KIAA0753: variants seen among roughly 807,000 people sequenced by gnomAD.
The protein encoded by KIAA0753 is KIAA0753.
KIAA0753 carries 114 observed loss-of-function variants against 116.9 expected under a neutral mutation model. That is an observed-to-expected ratio of 0.98 (90% CI 0.84 to 1.14). The LOEUF (loss-of-function observed/expected upper bound fraction) is 1.14, where lower values mean the gene tolerates loss of function less well. KIAA0753 is among the 50% of genes most tolerant of loss of function. The pLI, the probability that KIAA0753 is intolerant of heterozygous loss-of-function variation, is 0.00. For missense variants in KIAA0753, 1,156 were observed against 1,172.4 expected, an observed-to-expected ratio of 0.99 and a Z score of 0.20; for synonymous variants, 405 against 413.1, an observed-to-expected ratio of 0.98 and a Z score of 0.24.
intron 18 of KIAA0753, among the ~76,000 whole-genome samples, chr17:6,581,656 G>A (rs1447845752): frequency 2.0e-5 from 3 of 152,158 alleles, no homozygotes; most frequent in African/African-American, 4.8e-5. Context: ...TGTAATGAAA[G>A]CTTTCCCTTG....
chr17:6,591,590 G>T (rs575850963), intron 16 of KIAA0753, among the ~76,000 whole-genome samples: 2 of 152,310 alleles, frequency 1.3e-5, no homozygotes, highest in African/African-American at 4.8e-5. Context: ...TCAGTTCTCA[G>T]TGTCCTAGAG....
In KIAA0753 at chr17:6,610,516, C is replaced by CTTTT. The variant is rs71157206; in HGVS notation, c.1546-360_1546-357dup. Among the ~76,000 whole-genome samples the CTTTT allele has an allele frequency of 7.7e-4, 87 of 113,426 alleles. 1 individual carries two copies. Among genetic ancestry groups the CTTTT allele is most frequent in the East Asian group, 1.3e-3 (5 of 4,000 alleles). 74.4% of individuals were successfully genotyped at this position (113,426 alleles called of 152,430 possible). A position where few individuals can be genotyped will look rare whatever the true frequency, so the allele number is the denominator to read the frequency against. On this transcript the variant is annotated intron_variant, in intron 8 of 18. Coordinates refer to ENST00000361413, the MANE Select transcript of KIAA0753 (RefSeq NM_014804.3). ...TATTTTTCTTTTTTCTTTTCTTTCT[C>CTTTT]TTTTTTTTTTTTTTTTTTTTAAGAG...
intron 12 of KIAA0753, among the ~76,000 whole-genome samples, chr17:6,602,985 A>G (rs1969973856): frequency 6.6e-6 from 1 of 152,222 alleles, no homozygotes; most frequent in African/African-American, 2.4e-5. Flanking sequence ...CACTGAATCC[A>G]TGAAAGAAGG....
At chr17:6,621,123 C>A in intron 6 of KIAA0753, 125 bp from the exon 7 acceptor site, 1 of 776,240 alleles carries the variant, frequency 1.3e-6, no homozygotes, top group African/African-American at 1.8e-5. Flanking sequence ...ACAGTTAACA[C>A]AATCTTAATT....
Position 6,619,656 on chromosome 17 carries a change from G to A in KIAA0753, c.1315+1132C>T, listed in dbSNP as rs554991067. ...TGCCCAGGCTGGTCCCAAACCCCTG[G>A]GCTCAAGCAATACACCTGCCTTGGC... On this transcript the variant is annotated intron_variant, in intron 7 of 18. Transcript: ENST00000361413. Among the ~76,000 whole-genome samples, 22 of 152,078 alleles carry A rather than the reference G, an allele frequency of 1.4e-4. No individual in the cohort carries two copies. The South Asian group carries it at 4.6e-3, about 32-fold the overall frequency.
chr17:6,605,753 T>C (rs1970155023), intron 12 of KIAA0753, among the ~76,000 whole-genome samples: 1 of 152,164 alleles, frequency 6.6e-6, no homozygotes, highest in Non-Finnish European at 1.5e-5. Flanking sequence ...CACTGGAAAC[T>C]TCTGCAGCAG....
At chr17:6,617,850 C>G (rs1971035990) in intron 7 of KIAA0753, among the ~76,000 whole-genome samples, 1 of 152,228 alleles carries the variant, frequency 6.6e-6, no homozygotes, top group Admixed American at 6.5e-5. Flanking sequence ...CGCCTGTAAT[C>G]CCAACACTCT....
At chr17:6,613,480 A>C (rs1366673456) in intron 7 of KIAA0753, among the ~76,000 whole-genome samples, 1 of 152,208 alleles carries the variant, frequency 6.6e-6, no homozygotes, top group East Asian at 1.9e-4. Flanking sequence ...AACAACCAAC[A>C]AAGTGGGGAG....
intron 16 of KIAA0753, among the ~76,000 whole-genome samples, chr17:6,591,966 G>A (rs114648386): frequency 4.6e-5 from 7 of 152,206 alleles, no homozygotes; most frequent in African/African-American, 1.7e-4. Flanking sequence ...CAAATACCTC[G>A]AACACATGGT....
chr17:6,618,800 T>C (rs1971104288), intron 7 of KIAA0753, among the ~76,000 whole-genome samples: 1 of 152,108 alleles, frequency 6.6e-6, no homozygotes, highest in African/African-American at 2.4e-5. Flanking sequence ...AAAATATTGA[T>C]TAATGTAGTA....
chr17:6,609,891 A>T, intron 9 of KIAA0753, 103 bp downstream of exon 9: 1 of 1,261,394 alleles, frequency 7.9e-7, no homozygotes, highest in African/African-American at 1.5e-5. Context: ...GGAAAAAATT[A>T]AGGCTACTAC....
intron 8 of KIAA0753, among the ~76,000 whole-genome samples, chr17:6,610,664 G>A (rs755095664): frequency 2.0e-5 from 3 of 151,622 alleles, no homozygotes; most frequent in Non-Finnish European, 4.4e-5. Flanking sequence ...GGGATCACAA[G>A]TGTTAGATAC....
At chr17:6,619,060 C>T (rs771611016) in intron 7 of KIAA0753, among the ~76,000 whole-genome samples, 26 of 152,060 alleles carry the variant, frequency 1.7e-4, no homozygotes, top group Non-Finnish European at 3.7e-4. Flanking sequence ...GAAACCCCGT[C>T]TCTACTAAAA....
At chr17:6,595,155 G>A (rs758046466) in intron 15 of KIAA0753, 102 bp from the exon 16 acceptor site, 8 of 746,040 alleles carry the variant, frequency 1.1e-5, no homozygotes, top group African/African-American at 7.1e-5. Flanking sequence ...CAACTGATAC[G>A]GACGTACTGC....
At position 6,595,980 on chromosome 17, in the gene KIAA0753, C is replaced by T. The variant is rs144092512; in HGVS notation, c.2358+178G>A. Reference sequence around the variant, plus strand: ...ATGCCTCTTTTTATCCTTAAAACTCCCTACTTATCAGAGGGGTTGACGATA... The same window carrying T: ...ATGCCTCTTTTTATCCTTAAAACTCTCTACTTATCAGAGGGGTTGACGATA... On this transcript the variant is annotated intron_variant, in intron 15 of 18. Transcript: ENST00000361413. Among the ~76,000 whole-genome samples the T allele has an allele frequency of 1.5e-3, 234 of 152,276 alleles. 1 individual carries two copies. Among genetic ancestry groups the T allele is most frequent in the African/African-American group, 5.4e-3 (226 of 41,550 alleles).
At chr17:6,586,216 C>T (rs1040177421) in intron 18 of KIAA0753, among the ~76,000 whole-genome samples, 5 of 152,082 alleles carry the variant, frequency 3.3e-5, no homozygotes, top group African/African-American at 4.8e-5. Context: ...TGAGGTGTCC[C>T]GAGAAGCCAA....
At chr17:6,585,700 T>C (rs1366181338) in intron 18 of KIAA0753, among the ~76,000 whole-genome samples, 1 of 152,350 alleles carries the variant, frequency 6.6e-6, no homozygotes, top group Non-Finnish European at 1.5e-5. Context: ...GTTCCTTTTT[T>C]ATAGTATCCT....
intron 6 of KIAA0753, among the ~76,000 whole-genome samples, chr17:6,622,667 T>G (rs542363702): frequency 9.0e-4 from 137 of 152,386 alleles, no homozygotes; most frequent in Non-Finnish European, 1.6e-3. Flanking sequence ...TGTTTTATAT[T>G]CAAGTTACCA....
chr17:6,606,334 T>A (rs1970192870), intron 12 of KIAA0753, among the ~76,000 whole-genome samples: 5 of 152,206 alleles, frequency 3.3e-5, no homozygotes, highest in Admixed American at 3.3e-4. Flanking sequence ...TGAATTATTA[T>A]CAGAGTTGGA....
Sources: gnomAD v4.1 joint callset for allele counts (sites outside exome capture counted in the v4.1 genomes callset) on GRCh38, gnomAD v4.1.1 for gene constraint, MANE v1.5 for transcripts, NCBI Gene and HGNC (gene_info 2026-07-23, HGNC 2026-07-21) for gene names.